NOS1: variants seen among roughly 807,000 people sequenced by gnomAD.
NOS1 encodes the protein NOS type I.
A neutral mutation model predicts 164.5 loss-of-function variants in NOS1; 51 were observed. The observed-to-expected ratio is 0.31, with a 90% CI of 0.25 to 0.39. The LOEUF (loss-of-function observed/expected upper bound fraction) is 0.39. NOS1 is among the 10% of genes least tolerant of loss of function. The pLI, the probability that NOS1 is intolerant of heterozygous loss-of-function variation, is 1.00. For missense variants in NOS1, 1,362 were observed against 1,885.6 expected, an observed-to-expected ratio of 0.72 and a Z score of 5.14; for synonymous variants, 719 against 745.8, an observed-to-expected ratio of 0.96 and a Z score of 0.59.
intron 2 of NOS1, among the ~76,000 whole-genome samples, 195 bp from the exon 3 acceptor site, chr12:117,311,787 T>C (rs1363490305): frequency 6.6e-6 from 1 of 151,950 alleles, no homozygotes; most frequent in Non-Finnish European, 1.5e-5. Context: ...CAGCTCTGGG[T>C]GTCAATCACA....
Position 117,286,413 on chromosome 12 carries a change from A to T in NOS1, c.1128-147T>A. 5 of 812,250 alleles carry T rather than the reference A, an allele frequency of 6.2e-6. No homozygotes were observed. In the South Asian group the frequency reaches 9.0e-5, roughly 15 times the overall value. The allele number at this position is 812,250 out of a possible 1,614,324, so 50.3% of individuals were successfully genotyped here. ...CAACAGTTTGATTTCTGGATGCAAG[A>T]TAAAGCAGACACTGTAAACTCAAAT... On this transcript the variant is annotated intron_variant, in intron 5 of 28. Transcript: ENST00000317775.
Position 117,226,560 on chromosome 12 carries a change from G to A in NOS1, c.3704+123C>T, listed in dbSNP as rs1239184444. 6 of 759,024 alleles carry A rather than the reference G, an allele frequency of 7.9e-6. No individual in the cohort carries two copies. The African/African-American group carries it at 1.0e-4, about 13-fold the overall frequency. The allele number at this position is 759,024 out of a possible 1,614,324, so 47.0% of individuals were successfully genotyped here. On this transcript the variant is annotated intron_variant, in intron 24 of 28. Transcript: ENST00000317775. ...CAACTAAGAGAGACGCAGGACATTG[G>A]TCTCCATCGTGTGTCACCCAGCCAT...
At chr12:117,285,838 C>T (rs150559762) in intron 6 of NOS1, among the ~76,000 whole-genome samples, 207 of 152,214 alleles carry the variant, frequency 1.4e-3, no homozygotes, top group African/African-American at 4.7e-3. Flanking sequence ...GTGAGGTCTG[C>T]GGTCAACTGA....
intron 1 of NOS1, among the ~76,000 whole-genome samples, chr12:117,349,053 C>T (rs866021685): frequency 6.6e-6 from 1 of 152,204 alleles, no homozygotes; most frequent in Non-Finnish European, 1.5e-5. Context: ...GCAACTTTTC[C>T]GTGAATCTAA....
chr12:117,222,966 C>T (rs544233665), intron 25 of NOS1, 103 bp from the exon 26 acceptor site: 32 of 1,320,266 alleles, frequency 2.4e-5, no homozygotes, highest in East Asian at 1.2e-4. Context: ...GTGTGCCATG[C>T]GGATAGAGGC....
intron 1 of NOS1, among the ~76,000 whole-genome samples, chr12:117,360,450 A>G (rs981589323): frequency 6.6e-6 from 1 of 152,224 alleles, no homozygotes; most frequent in Non-Finnish European, 1.5e-5. Context: ...ACCGTGGCGG[A>G]ACGCGCCCCT....
chr12:117,304,075 G>A (rs372568723), intron 3 of NOS1, among the ~76,000 whole-genome samples: 6 of 152,138 alleles, frequency 3.9e-5, no homozygotes, highest in Admixed American at 2.0e-4. Context: ...GGGAGGCTGA[G>A]GCAGGAGAAT....
At position 117,214,541 on chromosome 12, in the gene NOS1, T is replaced by A. The variant is rs951391244; in HGVS notation, c.*768A>T. The A allele has an allele frequency of 9.1e-6, 9 of 985,334 alleles. No homozygotes were observed. The African/African-American group carries it at 1.6e-4, about 17-fold the overall frequency. 61.0% of individuals were successfully genotyped at this position (985,334 alleles called of 1,614,324 possible). A position where few individuals can be genotyped will look rare whatever the true frequency, so the allele number is the denominator to read the frequency against. On this transcript the variant is annotated 3_prime_UTR_variant, in exon 29 of 29. Transcript: ENST00000317775. Reference sequence around the variant, plus strand: ...CATGTCACATGAGGGCTCTGCTCACTGGTATCAAAATCTAAATGCAGCAAA... The same window carrying A: ...CATGTCACATGAGGGCTCTGCTCACAGGTATCAAAATCTAAATGCAGCAAA...
chr12:117,342,779 G>A (rs114252308), intron 1 of NOS1, among the ~76,000 whole-genome samples: 1,724 of 152,244 alleles, frequency 0.011, 35 homozygotes, highest in African/African-American at 0.039. Flanking sequence ...GCAAGGCTGG[G>A]TATGGGGAGC....
Position 117,290,472 on chromosome 12 carries a change from G to T in NOS1, c.853-46C>A, listed in dbSNP as rs750853934. On this transcript the variant is annotated intron_variant, in intron 3 of 28. Transcript: ENST00000317775. Reference sequence around the variant, plus strand: ...GGAAGATGAGGCAGGGCCTTGAGTGGACTGTAACATTGTCTCCACAGAGGC... The same window carrying T: ...GGAAGATGAGGCAGGGCCTTGAGTGTACTGTAACATTGTCTCCACAGAGGC... 6 of 1,577,558 alleles carry T rather than the reference G, an allele frequency of 3.8e-6. No homozygotes were observed. The South Asian group carries it at 7.1e-5, about 19-fold the overall frequency.
chr12:117,274,045 A>G (rs981261402), intron 9 of NOS1, among the ~76,000 whole-genome samples: 2 of 152,320 alleles, frequency 1.3e-5, no homozygotes, highest in Non-Finnish European at 1.5e-5. Context: ...AGAATGGGGG[A>G]AAATATCTGA....
intron 3 of NOS1, among the ~76,000 whole-genome samples, chr12:117,291,051 A>T (rs1873024019): frequency 6.6e-6 from 1 of 151,946 alleles, no homozygotes; most frequent in African/African-American, 2.4e-5. Context: ...TGTCTCTATT[A>T]AAAAATACAA....
intron 17 of NOS1, among the ~76,000 whole-genome samples, chr12:117,248,096 GA>G (rs917657897): frequency 6.6e-6 from 1 of 151,886 alleles, no homozygotes; most frequent in African/African-American, 2.4e-5. Flanking sequence ...CTGCAAGCCA[GA>G]AAGAGAGACC....
chr12:117,222,657 G>C (rs1956726123), intron 26 of NOS1, 58 bp downstream of exon 26: 21 of 1,519,796 alleles, frequency 1.4e-5, no homozygotes, highest in Middle Eastern at 2.1e-4. Flanking sequence ...CTGAGAGTAG[G>C]ATGTCCAAGT....
At chr12:117,265,073 T>G (rs1015567174) in intron 12 of NOS1, among the ~76,000 whole-genome samples, 1 of 152,010 alleles carries the variant, frequency 6.6e-6, no homozygotes, top group Non-Finnish European at 1.5e-5. Flanking sequence ...CTCAAACTCC[T>G]GGCCTCAAGC....
chr12:117,306,902 G>A (rs1038682782), intron 3 of NOS1, among the ~76,000 whole-genome samples: 11 of 152,212 alleles, frequency 7.2e-5, no homozygotes, highest in African/African-American at 2.4e-4. Context: ...TTACAGGCGT[G>A]AGCCACCGCG....
At chr12:117,355,322 CT>C (rs1273175349) in intron 1 of NOS1, among the ~76,000 whole-genome samples, 3 of 152,226 alleles carry the variant, frequency 2.0e-5, no homozygotes, top group Non-Finnish European at 4.4e-5. Context: ...GGCCACCTTT[CT>C]CTTAGGAAAT....
chr12:117,342,871 G>A (rs568474436), intron 1 of NOS1, among the ~76,000 whole-genome samples: 4 of 152,010 alleles, frequency 2.6e-5, no homozygotes, highest in Admixed American at 2.6e-4. Flanking sequence ...AAGGAAGGAA[G>A]TGGGTCGATT....
In NOS1 at chr12:117,330,062, G is replaced by A. The variant is rs1875450697; in HGVS notation, c.725+283C>T. Among the ~76,000 whole-genome samples the A allele has an allele frequency of 6.6e-6, 1 of 152,196 alleles. No individual in the cohort carries two copies. Among genetic ancestry groups the A allele is most frequent in the African/African-American group, 2.4e-5 (1 of 41,432 alleles). ...CAAGTAAGTTTCCTGGAGGATTATAGGGGATAAAGATGAGAAGACACACTG... is the reference window on the plus strand; with the variant it reads ...CAAGTAAGTTTCCTGGAGGATTATAAGGGATAAAGATGAGAAGACACACTG... On this transcript the variant is annotated intron_variant, in intron 2 of 28. Coordinates refer to ENST00000317775, the MANE Select transcript of NOS1 (RefSeq NM_000620.5). The surrounding 1 kb of genome is among the most constrained non-coding windows in gnomAD (Gnocchi z 4.6).
Sources: gnomAD v4.1 joint callset for allele counts (sites outside exome capture counted in the v4.1 genomes callset) on GRCh38, gnomAD v4.1.1 for gene constraint, Gnocchi (gnomAD v3.1) non-coding constraint, MANE v1.5 for transcripts, NCBI Gene and HGNC (gene_info 2026-07-23, HGNC 2026-07-21) for gene names.